The following SLC8A3 variants were observed in gnomAD, a reference collection of about 807,000 sequenced individuals.
The protein encoded by SLC8A3 is sodium/calcium exchanger 3.
A neutral mutation model predicts 65.4 loss-of-function variants in SLC8A3; 37 were observed. The observed-to-expected ratio is 0.57, with a 90% CI of 0.44 to 0.74. The LOEUF (loss-of-function observed/expected upper bound fraction) is 0.74. SLC8A3 is among the 30% of genes least tolerant of loss of function. The pLI is 0.00. For synonymous variants in SLC8A3, 461 were observed against 444.5 expected, an observed-to-expected ratio of 1.04 and a Z score of -0.47; for missense variants, 1,112 against 1,172.1, an observed-to-expected ratio of 0.95 and a Z score of 0.75.
chr14:70,155,713 C>A (rs1286779497), intron 2 of SLC8A3, among the ~76,000 whole-genome samples: 4 of 152,204 alleles, frequency 2.6e-5, no homozygotes, highest in Non-Finnish European at 5.9e-5. Flanking sequence ...TGGTAAGGCC[C>A]AGGTAACCAA....
At chr14:70,184,966 C>CTTTT (rs11337843) in intron 1 of SLC8A3, among the ~76,000 whole-genome samples, 2 of 108,656 alleles carry the variant, frequency 1.8e-5, no homozygotes, top group African/African-American at 3.5e-5. Flanking sequence ...TTTTTCTTTT[C>CTTTT]TTTTTTTTTT....
At chr14:70,123,696 C>T (rs548023271) in intron 2 of SLC8A3, among the ~76,000 whole-genome samples, 11 of 152,274 alleles carry the variant, frequency 7.2e-5, no homozygotes, top group African/African-American at 1.2e-4. Flanking sequence ...GTAATCCACC[C>T]GCCTCAGTCT....
chr14:70,057,925 C>T (rs1386694627), intron 3 of SLC8A3, among the ~76,000 whole-genome samples: 3 of 152,118 alleles, frequency 2.0e-5, no homozygotes, highest in African/African-American at 7.2e-5. Context: ...CCTTTCTATC[C>T]GAAGGCTTCC....
At chr14:70,081,711 G>A (rs1265059170) in intron 2 of SLC8A3, among the ~76,000 whole-genome samples, 1 of 152,182 alleles carries the variant, frequency 6.6e-6, no homozygotes, top group Non-Finnish European at 1.5e-5. Flanking sequence ...CACAGGAGGG[G>A]ATGTTTATCA....
chr14:70,187,459 T>G (rs575661348), intron 1 of SLC8A3, among the ~76,000 whole-genome samples: 1 of 151,846 alleles, frequency 6.6e-6, no homozygotes, highest in Admixed American at 6.6e-5. Flanking sequence ...AAAAATAAAA[T>G]ACAATGAATT....
chr14:70,093,512 C>G (rs1484897722), intron 2 of SLC8A3, among the ~76,000 whole-genome samples: 1 of 152,226 alleles, frequency 6.6e-6, no homozygotes, highest in Non-Finnish European at 1.5e-5. Context: ...TGAGACAACA[C>G]ATACGGCAAC....
chr14:70,052,461 T>C (rs1177192758), intron 3 of SLC8A3, among the ~76,000 whole-genome samples: 1 of 152,240 alleles, frequency 6.6e-6, no homozygotes, highest in Non-Finnish European at 1.5e-5. Context: ...CCTTGAACTA[T>C]TTTGAACTTT....
intron 2 of SLC8A3, among the ~76,000 whole-genome samples, chr14:70,100,908 A>G (rs1336303678): frequency 6.6e-6 from 1 of 152,244 alleles, no homozygotes; most frequent in Non-Finnish European, 1.5e-5. Flanking sequence ...ATCTGATAAT[A>G]TTCACAATCT....
At chr14:70,092,843 C>CA (rs1400145422) in intron 2 of SLC8A3, among the ~76,000 whole-genome samples, 14 of 152,054 alleles carry the variant, frequency 9.2e-5, no homozygotes, top group Non-Finnish European at 1.9e-4. Flanking sequence ...TTATGCAAGC[C>CA]AAAAAAATCC....
intron 2 of SLC8A3, among the ~76,000 whole-genome samples, chr14:70,165,779 C>T (rs532199490): frequency 3.9e-5 from 6 of 152,328 alleles, no homozygotes; most frequent in Admixed American, 3.9e-4. Context: ...TTCTGAAGGG[C>T]TGAATGGGGC....
chr14:70,059,957 C>T (rs1422774062), intron 3 of SLC8A3, among the ~76,000 whole-genome samples: 4 of 152,180 alleles, frequency 2.6e-5, no homozygotes, highest in Non-Finnish European at 5.9e-5. Flanking sequence ...TTAGAGGTTG[C>T]ATTGTCCCAA....
chr14:70,180,252 C>T (rs1210997585), intron 1 of SLC8A3, among the ~76,000 whole-genome samples: 1 of 152,152 alleles, frequency 6.6e-6, no homozygotes, highest in Admixed American at 6.5e-5. Context: ...TATTTTAATG[C>T]CATTTAATTT....
chr14:70,094,753 G>C (rs1892040949), intron 2 of SLC8A3, among the ~76,000 whole-genome samples: 1 of 152,254 alleles, frequency 6.6e-6, no homozygotes, highest in South Asian at 2.1e-4. Context: ...TGGCTCAGCA[G>C]AGCCCTCAAG....
chr14:70,171,025 A>G (rs887643768), intron 1 of SLC8A3, among the ~76,000 whole-genome samples: 6 of 152,234 alleles, frequency 3.9e-5, no homozygotes, highest in Admixed American at 3.9e-4. Context: ...GAGGTTTGAC[A>G]CTCACCCACC....
intron 2 of SLC8A3, among the ~76,000 whole-genome samples, chr14:70,106,167 G>C (rs1176621474): frequency 6.6e-6 from 1 of 151,980 alleles, no homozygotes; most frequent in Non-Finnish European, 1.5e-5. Flanking sequence ...AAAGCAAACT[G>C]GAAACAAAGC....
chr14:70,148,855 C>T lies in SLC8A3; in HGVS notation c.1784+17784G>A, dbSNP rs1002202447. Among the ~76,000 whole-genome samples the T allele has an allele frequency of 2.0e-5, 3 of 152,072 alleles. No individual in the cohort carries two copies. The East Asian group carries it at 5.8e-4, about 29-fold the overall frequency. ...AGAACTTCTAAAGTGGGAAGAGATG[C>T]GAGTGGGGCCGTGATCAGGGCGTGA... On this transcript the variant is annotated intron_variant, in intron 2 of 6. Coordinates refer to ENST00000356921, the MANE Select transcript of SLC8A3 (RefSeq NM_182932.3).
chr14:70,134,486 G>A lies in SLC8A3; in HGVS notation c.1784+32153C>T, dbSNP rs527951467. On this transcript the variant is annotated intron_variant, in intron 2 of 6. Transcript: ENST00000356921. ...GTAAATGGCACCAGCTTCCCTTCAC[G>A]ATTAAAGTAAAAAGCCTAGACACCA... 1.7e-4 allele frequency among the ~76,000 whole-genome samples: 26 copies of A among 152,134 alleles called. No individual in the cohort carries two copies. The South Asian group carries it at 4.1e-3, about 24-fold the overall frequency.
At position 70,045,250 on chromosome 14, in the gene SLC8A3, C is replaced by T. The variant is rs1358987760; in HGVS notation, c.*697G>A. The T allele has an allele frequency of 6.6e-6, 1 of 152,134 alleles. No homozygotes were observed. The highest frequency in any genetic ancestry group is 1.5e-5 in the Non-Finnish European group (1 of 68,054). 9.4% of individuals were successfully genotyped at this position (152,134 alleles called of 1,614,324 possible). On this transcript the variant is annotated 3_prime_UTR_variant, in exon 7 of 7. Transcript: ENST00000356921. ...GAGCTTATTTCTACCCCAACACCAT[C>T]ACTCCTCCCAAGAACTCAGAGAAAA...
At chr14:70,142,649 T>C (rs1303101731) in intron 2 of SLC8A3, among the ~76,000 whole-genome samples, 1 of 152,226 alleles carries the variant, frequency 6.6e-6, no homozygotes, top group Non-Finnish European at 1.5e-5. Context: ...TTTTGATGAT[T>C]GCACTAGAAG....
Sources: gnomAD v4.1 joint callset for allele counts (sites outside exome capture counted in the v4.1 genomes callset) on GRCh38, gnomAD v4.1.1 for gene constraint, MANE v1.5 for transcripts, NCBI Gene and HGNC (gene_info 2026-07-23, HGNC 2026-07-21) for gene names.